The following H2BN1 variants were observed in gnomAD, a reference collection of about 807,000 sequenced individuals.
H2BN1 encodes the protein histone H2B.N.
chr17:32,902,397 T>C, the H2BN1 span, among the ~76,000 whole-genome samples: 3 of 152,196 alleles, frequency 2.0e-5, no homozygotes, highest in Admixed American at 2.0e-4. Flanking sequence ...TAGTTTAGCT[T>C]TGAAACAAAG....
chr17:32,896,689 C>G, the H2BN1 span, among the ~76,000 whole-genome samples: 1,571 of 152,294 alleles, frequency 0.01, 15 homozygotes, highest in African/African-American at 0.035. Context: ...CAGAGCTTCT[C>G]AACCATAGCC....
At chr17:32,895,606 A>G in the H2BN1 span, among the ~76,000 whole-genome samples, 1 of 152,182 alleles carries the variant, frequency 6.6e-6, no homozygotes, top group Non-Finnish European at 1.5e-5. Flanking sequence ...TCCTAAAGCA[A>G]GTGAGTTGGT....
the H2BN1 span, among the ~76,000 whole-genome samples, chr17:32,896,380 C>T: frequency 6.6e-6 from 1 of 152,208 alleles, no homozygotes; most frequent in Admixed American, 6.5e-5. Context: ...TTCCTCCTGC[C>T]CACCCAACTT....
At chr17:32,902,255 G>C in the H2BN1 span, among the ~76,000 whole-genome samples, 1 of 152,062 alleles carries the variant, frequency 6.6e-6, no homozygotes, top group Non-Finnish European at 1.5e-5. Flanking sequence ...TCTGAAAACT[G>C]TGATAATCAT....
At chr17:32,897,473 C>T in the H2BN1 span, among the ~76,000 whole-genome samples, 10 of 152,066 alleles carry the variant, frequency 6.6e-5, no homozygotes, top group Admixed American at 1.3e-4. Flanking sequence ...AGGATTAGAG[C>T]GTTGGGTAAA....
the H2BN1 span, among the ~76,000 whole-genome samples, chr17:32,901,948 A>T: frequency 4.6e-5 from 7 of 152,096 alleles, no homozygotes; most frequent in African/African-American, 9.7e-5. Context: ...AAACTTTTTT[A>T]AAAAATGAAT....
At chr17:32,903,940 C>T in the H2BN1 span, among the ~76,000 whole-genome samples, 5 of 152,208 alleles carry the variant, frequency 3.3e-5, no homozygotes, top group Non-Finnish European at 7.3e-5. Flanking sequence ...CCAGACTCCA[C>T]AATGTGTCAC....
At chr17:32,903,211 C>T in the H2BN1 span, among the ~76,000 whole-genome samples, 1 of 151,128 alleles carries the variant, frequency 6.6e-6, no homozygotes, top group Non-Finnish European at 1.5e-5. Flanking sequence ...ATTATATATA[C>T]AACACATAAA....
the H2BN1 span, among the ~76,000 whole-genome samples, chr17:32,897,949 A>T: frequency 6.6e-6 from 1 of 152,186 alleles, no homozygotes; most frequent in African/African-American, 2.4e-5. Context: ...TTGGACGTTA[A>T]CTCCACTTCT....
chr17:32,903,853 A>G, the H2BN1 span, among the ~76,000 whole-genome samples: 34 of 152,096 alleles, frequency 2.2e-4, no homozygotes, highest in African/African-American at 8.0e-4. Context: ...ATTATGTCTC[A>G]CTTTTTTTCT....
chr17:32,896,365 G>A, the H2BN1 span, among the ~76,000 whole-genome samples: 918 of 152,202 alleles, frequency 6.0e-3, 6 homozygotes, highest in Non-Finnish European at 8.4e-3. Context: ...AGGCACCCTG[G>A]TTCCTTCCTC....
chr17:32,902,061 C>A, the H2BN1 span, among the ~76,000 whole-genome samples: 1 of 151,456 alleles, frequency 6.6e-6, no homozygotes, highest in African/African-American at 2.4e-5. Flanking sequence ...TACTTTAGGA[C>A]TAAATCTACC....
the H2BN1 span, chr17:32,906,149 A>T: frequency 6.6e-6 from 1 of 152,188 alleles, no homozygotes; most frequent in Non-Finnish European, 1.5e-5. Context: ...CACTGTGGGA[A>T]GCCTTTACTT....
At chr17:32,895,570 A>C in the H2BN1 span, among the ~76,000 whole-genome samples, 1 of 152,166 alleles carries the variant, frequency 6.6e-6, no homozygotes, top group East Asian at 1.9e-4. Context: ...GGAGGAAGGA[A>C]GCCTATTTTA....
At chr17:32,905,108 G>GA in the H2BN1 span, among the ~76,000 whole-genome samples, 1 of 152,098 alleles carries the variant, frequency 6.6e-6, no homozygotes, top group Non-Finnish European at 1.5e-5. Flanking sequence ...CTAGAAGCAG[G>GA]AAAAAAGCCT....
the H2BN1 span, among the ~76,000 whole-genome samples, chr17:32,901,040 T>C: frequency 6.6e-6 from 1 of 151,960 alleles, no homozygotes; most frequent in Non-Finnish European, 1.5e-5. Context: ...AAACCCTGTC[T>C]CTACTAAAAA....
chr17:32,904,704 C>T, the H2BN1 span, among the ~76,000 whole-genome samples: 1 of 151,400 alleles, frequency 6.6e-6, no homozygotes, highest in African/African-American at 2.4e-5. Flanking sequence ...TTTTTTGGTA[C>T]TGTAGATGGC....
the H2BN1 span, among the ~76,000 whole-genome samples, chr17:32,905,137 C>G: frequency 6.6e-6 from 1 of 152,136 alleles, no homozygotes; most frequent in Non-Finnish European, 1.5e-5. Context: ...TCTTCCCTGC[C>G]GAGAGTGAGC....
At chr17:32,901,823 A>G in the H2BN1 span, among the ~76,000 whole-genome samples, 1 of 152,234 alleles carries the variant, frequency 6.6e-6, no homozygotes, top group Non-Finnish European at 1.5e-5. Flanking sequence ...CAATCCCTTA[A>G]GAAAATTTCA....
Sources: gnomAD v4.1 joint callset for allele counts (sites outside exome capture counted in the v4.1 genomes callset) on GRCh38, gnomAD v4.1.1 for gene constraint, MANE v1.5 for transcripts, NCBI Gene and HGNC (gene_info 2026-07-23, HGNC 2026-07-21) for gene names.